The following ST6GALNAC5 variants were observed in gnomAD, a reference collection of about 807,000 sequenced individuals.
The protein encoded by ST6GALNAC5 is alpha-N-acetylgalactosaminide alpha-2,6-sialyltransferase 5.
ST6GALNAC5 carries 27 observed loss-of-function variants against 33.6 expected under a neutral mutation model. The ratio of observed to expected loss-of-function variants is 0.80; its 90% confidence interval spans 0.59 to 1.11. The LOEUF is 1.11. Ranked by LOEUF, ST6GALNAC5 falls within the 50% of genes least tolerant of loss-of-function variation. ST6GALNAC5 has a pLI of 0.00. For synonymous variants in ST6GALNAC5, 194 were observed against 171.2 expected (o/e 1.13, Z -1.04); for missense variants, 428 against 454.0 (o/e 0.94, Z 0.52).
chr1:77,000,213 G>C (rs1650092794), intron 2 of ST6GALNAC5, among the ~76,000 whole-genome samples: 1 of 107,264 alleles, frequency 9.3e-6, no homozygotes, highest in South Asian at 3.4e-4. Context: ...TCTCACTGTG[G>C]TTTTGATTTG....
chr1:77,056,512 G>A (rs971375057), intron 4 of ST6GALNAC5, among the ~76,000 whole-genome samples: 3 of 152,064 alleles, frequency 2.0e-5, no homozygotes, highest in African/African-American at 7.2e-5. Context: ...TATCTCATCC[G>A]CAATATGAAG....
intron 2 of ST6GALNAC5, among the ~76,000 whole-genome samples, chr1:77,035,459 A>G (rs1367215136): frequency 6.6e-6 from 1 of 152,134 alleles, no homozygotes; most frequent in Admixed American, 6.5e-5. Flanking sequence ...ATAGAGAGGT[A>G]CCCAAATTTT....
intron 2 of ST6GALNAC5, among the ~76,000 whole-genome samples, chr1:76,927,279 T>C (rs868759743): frequency 1.3e-5 from 2 of 152,088 alleles, no homozygotes; most frequent in African/African-American, 2.4e-5. Flanking sequence ...CATGAATATA[T>C]AAAATATATT....
intron 2 of ST6GALNAC5, among the ~76,000 whole-genome samples, chr1:76,958,576 C>T (rs1433655514): frequency 1.3e-5 from 2 of 152,162 alleles, no homozygotes; most frequent in East Asian, 1.9e-4. Context: ...ATCAAGAACA[C>T]TGTCTTCTGT....
chr1:77,011,180 C>T (rs1650621937), intron 2 of ST6GALNAC5, among the ~76,000 whole-genome samples: 1 of 152,166 alleles, frequency 6.6e-6, no homozygotes, highest in Non-Finnish European at 1.5e-5. Flanking sequence ...CTCAGTAGGA[C>T]AATGACGATG....
intron 2 of ST6GALNAC5, among the ~76,000 whole-genome samples, chr1:76,977,178 TTTA>T (rs1649045418): frequency 6.6e-6 from 1 of 152,228 alleles, no homozygotes; most frequent in Admixed American, 6.5e-5. Context: ...TAATAAGTTT[TTTA>T]TTTATAGTTG....
intron 2 of ST6GALNAC5, among the ~76,000 whole-genome samples, chr1:77,019,884 A>C (rs1455537387): frequency 4.6e-5 from 7 of 152,236 alleles, no homozygotes; most frequent in Admixed American, 4.6e-4. Context: ...CTAACCCCCA[A>C]ATTCCTATCT....
intron 2 of ST6GALNAC5, among the ~76,000 whole-genome samples, chr1:76,941,777 G>C (rs778391013): frequency 3.3e-5 from 5 of 152,046 alleles, no homozygotes; most frequent in African/African-American, 7.2e-5. Flanking sequence ...AGCAAGGCCT[G>C]GCCAACAACT....
Position 76,988,790 on chromosome 1 carries a change from AAT to A in ST6GALNAC5, c.262-55408_262-55407del, listed in dbSNP as rs530751317. On this transcript the variant is annotated intron_variant, in intron 2 of 4. Transcript: ENST00000477717. ...TTTTCTAGTTTTAGTGGTACTGTTA[AAT>A]ATATAGTCTCCCTCAATCTTTTCCC... is the stretch of plus-strand genomic sequence containing the variant. Among the ~76,000 whole-genome samples the A allele has an allele frequency of 1.8e-3, 275 of 152,270 alleles. 1 individual carries two copies. Among genetic ancestry groups the A allele is most frequent in the Non-Finnish European group, 3.4e-3 (232 of 67,996 alleles).
rs561773257 is a variant in ST6GALNAC5 at position 76,877,632 on chromosome 1, G to T, written c.261+8890G>T. 4.0e-4 allele frequency among the ~76,000 whole-genome samples: 61 copies of T among 152,292 alleles called. No homozygotes were observed. The South Asian group carries it at 0.012, about 31-fold the overall frequency. On this transcript the variant is annotated intron_variant, in intron 2 of 4. Transcript: ENST00000477717. ...CTGAATTTTAGTTGGATTTATTTCC[G>T]ATCCTCTGGCATGCAAATGTCTCAC...
At chr1:77,055,270 C>A (rs981041475) in intron 4 of ST6GALNAC5, among the ~76,000 whole-genome samples, 2 of 152,150 alleles carry the variant, frequency 1.3e-5, no homozygotes, top group African/African-American at 2.4e-5. Flanking sequence ...TTTATTCAAC[C>A]TTACTGAAAA....
chr1:76,919,284 T>A (rs1647008069), intron 2 of ST6GALNAC5, among the ~76,000 whole-genome samples: 1 of 152,066 alleles, frequency 6.6e-6, no homozygotes, highest in Non-Finnish European at 1.5e-5. Context: ...GCTGCTTGGC[T>A]CCTCTCTTCC....
intron 2 of ST6GALNAC5, among the ~76,000 whole-genome samples, chr1:76,999,018 C>G (rs546374149): frequency 1.3e-5 from 2 of 152,240 alleles, no homozygotes; most frequent in South Asian, 2.1e-4. Context: ...ACTTACACAG[C>G]TGGCTCTTTT....
intron 2 of ST6GALNAC5, among the ~76,000 whole-genome samples, chr1:76,950,073 A>G (rs1444548745): frequency 6.6e-6 from 1 of 152,102 alleles, no homozygotes; most frequent in Non-Finnish European, 1.5e-5. Context: ...CAATAAGTTC[A>G]GCCTTCTCCT....
intron 3 of ST6GALNAC5, among the ~76,000 whole-genome samples, chr1:77,046,107 A>C (rs140971889): frequency 3.3e-5 from 5 of 152,324 alleles, no homozygotes; most frequent in African/African-American, 1.2e-4. Flanking sequence ...TTACTGAGTC[A>C]ATTGCTTATC....
At chr1:77,026,138 T>C (rs557207121) in intron 2 of ST6GALNAC5, among the ~76,000 whole-genome samples, 4 of 152,182 alleles carry the variant, frequency 2.6e-5, no homozygotes, top group Non-Finnish European at 4.4e-5. Flanking sequence ...ATGGCACTTA[T>C]GTGGTTTATT....
intron 2 of ST6GALNAC5, among the ~76,000 whole-genome samples, chr1:77,002,406 G>A (rs1039990765): frequency 4.0e-5 from 6 of 151,868 alleles, no homozygotes; most frequent in South Asian, 2.1e-4. Context: ...TCTTGATAGC[G>A]GTCTGTAAAT....
At chr1:77,010,782 T>C (rs1314682225) in intron 2 of ST6GALNAC5, among the ~76,000 whole-genome samples, 1 of 152,212 alleles carries the variant, frequency 6.6e-6, no homozygotes, top group Non-Finnish European at 1.5e-5. Flanking sequence ...TCTTAAGGAT[T>C]GTGCTCTAAT....
At chr1:76,915,978 A>C (rs1233979555) in intron 2 of ST6GALNAC5, among the ~76,000 whole-genome samples, 1 of 151,928 alleles carries the variant, frequency 6.6e-6, no homozygotes, top group Non-Finnish European at 1.5e-5. Context: ...TTTTCTACCA[A>C]AATAAAGGTA....
Sources: allele counts gnomAD v4.1 joint callset (sites outside exome capture counted in the v4.1 genomes callset), GRCh38; gene constraint gnomAD v4.1.1; transcripts MANE v1.5; gene names NCBI Gene and HGNC (gene_info 2026-07-23, HGNC 2026-07-21).